Variants in GREB1L observed in about 807,000 individuals in gnomAD.
GREB1L encodes the protein GREB1-like protein.
GREB1L carries 17 observed loss-of-function variants against 200.8 expected under a neutral mutation model. That is an observed-to-expected ratio of 0.08 (90% confidence interval 0.06 to 0.13). GREB1L has a LOEUF of 0.13. GREB1L is among the 10% of genes least tolerant of loss of function. The probability of loss-of-function intolerance (pLI) is 1.00; values close to 1 mark genes in which losing one functional copy is unlikely to be tolerated. For missense variants in GREB1L, 1,657 were observed against 2,367.7 expected, an observed-to-expected ratio of 0.70 and a Z score of 6.23; for synonymous variants, 789 against 893.0, an observed-to-expected ratio of 0.88 and a Z score of 2.08.
chr18:21,467,868 CAA>C (rs1032044355), intron 15 of GREB1L, among the ~76,000 whole-genome samples: 1 of 151,570 alleles, frequency 6.6e-6, no homozygotes, highest in African/African-American at 2.4e-5. Flanking sequence ...ACTAAAAACG[CAA>C]AAAAATTAGC....
At chr18:21,449,925 C>G (rs929729501) in intron 12 of GREB1L, 89 bp downstream of exon 12, 5 of 1,010,150 alleles carry the variant, frequency 4.9e-6, no homozygotes, top group Non-Finnish European at 5.7e-6. Context: ...TTCAGGCATC[C>G]ACATAATCAA....
At chr18:21,307,600 G>A (rs550874942) in intron 1 of GREB1L, among the ~76,000 whole-genome samples, 41 of 152,248 alleles carry the variant, frequency 2.7e-4, no homozygotes, top group Admixed American at 1.1e-3. Context: ...TTACTGTGTT[G>A]AAGATATCTT....
At chr18:21,402,112 G>A (rs981520140) in intron 6 of GREB1L, among the ~76,000 whole-genome samples, 2 of 152,110 alleles carry the variant, frequency 1.3e-5, no homozygotes, top group Non-Finnish European at 2.9e-5. Context: ...TTTAGGAAAT[G>A]GGTATAATTC....
chr18:21,327,781 C>T (rs1188143905), intron 1 of GREB1L, among the ~76,000 whole-genome samples: 25 of 151,816 alleles, frequency 1.6e-4, no homozygotes, highest in African/African-American at 4.1e-4. Context: ...GCTGCGATCT[C>T]GGCTCACTGC....
At chr18:21,278,206 C>T (rs2038202057) in intron 1 of GREB1L, among the ~76,000 whole-genome samples, 1 of 151,714 alleles carries the variant, frequency 6.6e-6, no homozygotes, top group Non-Finnish European at 1.5e-5. Flanking sequence ...ATGGCGAAAC[C>T]CCATCTCTAC....
At chr18:21,503,087 A>C (rs1316372977) in intron 23 of GREB1L, among the ~76,000 whole-genome samples, 1 of 152,168 alleles carries the variant, frequency 6.6e-6, no homozygotes, top group African/African-American at 2.4e-5. Flanking sequence ...TAAATGTATT[A>C]TATGTGTTAA....
chr18:21,416,484 A>T (rs2031642501), intron 7 of GREB1L, among the ~76,000 whole-genome samples: 1 of 152,164 alleles, frequency 6.6e-6, no homozygotes. Flanking sequence ...CGAGGTCAGG[A>T]GATCGAGACC....
intron 7 of GREB1L, 51 bp from the exon 8 acceptor site, chr18:21,439,470 A>G: frequency 9.2e-7 from 1 of 1,084,182 alleles, no homozygotes; most frequent in Non-Finnish European, 1.4e-6. Context: ...CCCAGAAAGC[A>G]GTGCCCCGCC....
intron 1 of GREB1L, among the ~76,000 whole-genome samples, chr18:21,247,835 G>T (rs2037632477): frequency 6.6e-6 from 1 of 152,132 alleles, no homozygotes; most frequent in Non-Finnish European, 1.5e-5. Flanking sequence ...ATGTAGAGTT[G>T]CACTTAGAGC....
chr18:21,338,672 C>T (rs1345423068), intron 1 of GREB1L, among the ~76,000 whole-genome samples: 2 of 152,228 alleles, frequency 1.3e-5, no homozygotes, highest in Non-Finnish European at 1.5e-5. Flanking sequence ...GCTGTTTCTT[C>T]CTAGGATTCT....
intron 1 of GREB1L, among the ~76,000 whole-genome samples, chr18:21,278,278 G>C (rs1598624446): frequency 6.6e-6 from 1 of 151,636 alleles, no homozygotes. Flanking sequence ...TGCTTGGGAG[G>C]GTGAGGCAGG....
chr18:21,507,998 G>C (rs181976484), intron 25 of GREB1L, 120 bp from the exon 26 acceptor site: 1 of 917,984 alleles, frequency 1.1e-6, no homozygotes. Context: ...AGCCTGCTCT[G>C]GTGGCACTTA....
At chr18:21,505,634 A>C in intron 24 of GREB1L, 67 bp downstream of exon 24, 42 of 1,505,910 alleles carry the variant, frequency 2.8e-5, no homozygotes, top group Non-Finnish European at 3.8e-5. Context: ...GGTGCCTTAC[A>C]TCTCACTTTT....
chr18:21,410,272 A>G (rs1044403841), intron 7 of GREB1L, among the ~76,000 whole-genome samples: 2 of 152,136 alleles, frequency 1.3e-5, no homozygotes, highest in African/African-American at 4.8e-5. Flanking sequence ...GGCCCTAGAT[A>G]TCTTTGCCTA....
intron 1 of GREB1L, among the ~76,000 whole-genome samples, chr18:21,354,320 GC>G (rs1199909312): frequency 6.6e-6 from 1 of 152,114 alleles, no homozygotes; most frequent in African/African-American, 2.4e-5. Flanking sequence ...AGGTATGGTA[GC>G]TCATGCCTGC....
chr18:21,317,237 T>G (rs901928428), intron 1 of GREB1L, among the ~76,000 whole-genome samples: 3 of 150,630 alleles, frequency 2.0e-5, no homozygotes, highest in African/African-American at 7.3e-5. Flanking sequence ...AATCAATCAA[T>G]TCAATCAAAA....
At chr18:21,433,287 C>T (rs1055899342) in intron 7 of GREB1L, among the ~76,000 whole-genome samples, 5 of 151,950 alleles carry the variant, frequency 3.3e-5, no homozygotes, top group African/African-American at 1.2e-4. Context: ...AACTTTGTAC[C>T]TTCTGATTTT....
chr18:21,347,041 A>G (rs1353906938), intron 1 of GREB1L, among the ~76,000 whole-genome samples: 2 of 152,068 alleles, frequency 1.3e-5, no homozygotes, highest in Non-Finnish European at 2.9e-5. Context: ...TCCTGATCCT[A>G]TTTGACTTCT....
rs557869552 is a variant in GREB1L, at chr18:21,288,735, C to CTT, written c.-120+46354_-120+46355dup. ...GCATAGAACTTGTAAGGCTACCATC[C>CTT]TTTTTTTTTTTTTATTTTTGAGACA... On this transcript the variant is annotated intron_variant, in intron 1 of 32. Transcript: ENST00000424526. Among the ~76,000 whole-genome samples the CTT allele has an allele frequency of 8.4e-5, 12 of 143,706 alleles. 1 individual carries two copies. The highest frequency in any genetic ancestry group is 2.8e-4 in the African/African-American group (11 of 39,442). The allele number at this position is 143,706 out of a possible 152,430, so 94.3% of individuals were successfully genotyped here. A position where few individuals can be genotyped will look rare whatever the true frequency, so the allele number is the denominator to read the frequency against.
Sources: gnomAD v4.1 joint callset for allele counts (sites outside exome capture counted in the v4.1 genomes callset) on GRCh38, gnomAD v4.1.1 for gene constraint, MANE v1.5 for transcripts, NCBI Gene and HGNC (gene_info 2026-07-23, HGNC 2026-07-21) for gene names.